MAP2K5: variants seen among roughly 807,000 people sequenced by gnomAD.
MAP2K5 encodes the protein mitogen-activated protein kinase kinase 5.
A neutral mutation model predicts 83.1 loss-of-function variants in MAP2K5; 49 were observed. That is an observed-to-expected ratio of 0.59 (90% CI 0.47 to 0.75). The LOEUF (loss-of-function observed/expected upper bound fraction) is 0.75, where lower values mean the gene tolerates loss of function less well. Among genes scored for constraint, MAP2K5 ranks in the 30% least tolerant of loss-of-function variants. The pLI, the probability that MAP2K5 is intolerant of heterozygous loss-of-function variation, is 0.00. For synonymous variants in MAP2K5, 202 were observed against 191.8 expected (o/e 1.05, Z -0.44); for missense variants, 457 against 557.5 (o/e 0.82, Z 1.82).
At position 67,565,744 on chromosome 15, in the gene MAP2K5, A is replaced by C. The variant is rs1175163009; in HGVS notation, c.252+2394A>C. On this transcript the variant is annotated intron_variant, in intron 3 of 21. Transcript: ENST00000178640. This position sits in a 1 kb window ranked among gnomAD's most constrained non-coding sequence, Gnocchi z 4.1. ...CTTGGGTCCACTTTTTTTTATCTGA[A>C]TAGAAGTCATCTATCTCATTGATGA... 6.6e-6 allele frequency among the ~76,000 whole-genome samples: 1 copy of C among 152,130 alleles called. No individual in the cohort carries two copies. The highest frequency in any genetic ancestry group is 2.4e-5 in the African/African-American group (1 of 41,418).
At chr15:67,622,022 A>G (rs952635640) in intron 8 of MAP2K5, among the ~76,000 whole-genome samples, 3 of 152,050 alleles carry the variant, frequency 2.0e-5, no homozygotes, top group Non-Finnish European at 4.4e-5. Flanking sequence ...CGCCTCTACT[A>G]AAAATACAAA....
Position 67,658,220 on chromosome 15 carries a change from T to G in MAP2K5, c.737-333T>G, listed in dbSNP as rs528282729. Reference sequence around the variant, plus strand: ...AAAGCTGTTACAAAAGACAGGCAACTAAATGTTTAATAGTCATATTGATCT... The same window carrying G: ...AAAGCTGTTACAAAAGACAGGCAACGAAATGTTTAATAGTCATATTGATCT... On this transcript the variant is annotated intron_variant, in intron 11 of 21. Transcript: ENST00000178640. Among the ~76,000 whole-genome samples, 8 of 152,246 alleles carry G rather than the reference T, an allele frequency of 5.3e-5. No individual in the cohort carries two copies. In the East Asian group the frequency reaches 1.5e-3, roughly 29 times the overall value.
intron 11 of MAP2K5, among the ~76,000 whole-genome samples, chr15:67,654,728 A>G (rs2087029257): frequency 6.6e-6 from 1 of 152,190 alleles, no homozygotes; most frequent in African/African-American, 2.4e-5. Flanking sequence ...TTCTTAACTT[A>G]TAACAATTTA....
Position 67,555,166 on chromosome 15 carries a change from G to A in MAP2K5, c.184+5084G>A, listed in dbSNP as rs2084599441. Among the ~76,000 whole-genome samples the A allele has an allele frequency of 6.6e-6, 1 of 152,168 alleles. No homozygotes were observed. The highest frequency in any genetic ancestry group is 2.4e-5 in the African/African-American group (1 of 41,442). On this transcript the variant is annotated intron_variant, in intron 2 of 21. Coordinates refer to ENST00000178640, the MANE Select transcript of MAP2K5 (RefSeq NM_145160.3). This position sits in a 1 kb window ranked among gnomAD's most constrained non-coding sequence, Gnocchi z 5.2. The stretch of plus-strand genomic sequence containing the variant: ...GTCCTTATTCTCCATTACATCTAGA[G>A]CTCACAGTTCTACAGGCTGTACAAG...
At position 67,738,785 on chromosome 15, in the gene MAP2K5, G is replaced by A. The variant is rs975021546; in HGVS notation, c.1075-9446G>A. On this transcript the variant is annotated intron_variant, in intron 17 of 21. Transcript: ENST00000178640. The surrounding 1 kb of genome is among the most constrained non-coding windows in gnomAD (Gnocchi z 4.1). ...ACCTTATTTGAACTAGAGTTATTTC[G>A]TAAACAGAGTCTGAAAAATGCTGGA... 2.6e-5 allele frequency among the ~76,000 whole-genome samples: 4 copies of A among 152,098 alleles called. No individual in the cohort carries two copies. The highest frequency in any genetic ancestry group is 2.1e-4 in the South Asian group (1 of 4,828).
chr15:67,576,741 A>G (rs1022960104), intron 3 of MAP2K5, among the ~76,000 whole-genome samples: 1 of 147,500 alleles, frequency 6.8e-6, no homozygotes, highest in African/African-American at 2.5e-5. Flanking sequence ...CATACTCTAT[A>G]TAATTATTTC....
Position 67,592,978 on chromosome 15 carries a change from G to C in MAP2K5, c.480+4G>C. ...AAAAATACTAGCCAATGGCCAGGTAGGTATTATTATATATTAAGATTTTCA... is the reference window on the plus strand; with the variant it reads ...AAAAATACTAGCCAATGGCCAGGTACGTATTATTATATATTAAGATTTTCA... On this transcript the variant is annotated splice_donor_region_variant and intron_variant, in intron 7 of 21. Transcript: ENST00000178640. 6.3e-7 allele frequency: 1 copy of C among 1,581,594 alleles called. No homozygotes were observed. The highest frequency in any genetic ancestry group is 8.7e-7 in the Non-Finnish European group (1 of 1,154,292).
chr15:67,695,431 A>G (rs2088228491), intron 15 of MAP2K5, among the ~76,000 whole-genome samples: 1 of 152,172 alleles, frequency 6.6e-6, no homozygotes. Flanking sequence ...TTTCTTGTAT[A>G]ATAATAGGAA....
chr15:67,666,684 C>A (rs1334536532), intron 13 of MAP2K5, among the ~76,000 whole-genome samples: 6 of 152,126 alleles, frequency 3.9e-5, no homozygotes, highest in Non-Finnish European at 8.8e-5. Flanking sequence ...AAGAGGGAAT[C>A]CTGGGCCTGT....
In MAP2K5 at chr15:67,758,865, C is replaced by A. The variant is rs1478137732; in HGVS notation, c.1134+10264C>A. Among the ~76,000 whole-genome samples the A allele has an allele frequency of 1.3e-5, 2 of 152,150 alleles. No homozygotes were observed. The highest frequency in any genetic ancestry group is 2.9e-5 in the Non-Finnish European group (2 of 68,032). On this transcript the variant is annotated intron_variant, in intron 19 of 21. Coordinates refer to ENST00000178640, the MANE Select transcript of MAP2K5 (RefSeq NM_145160.3). This position sits in a 1 kb window ranked among gnomAD's most constrained non-coding sequence, Gnocchi z 4.7. ...CTGATTTGAAGAAAGTACAAAGTGACCACTGAACATTTTGGCATCAAAGGA... is the reference window on the plus strand; with the variant it reads ...CTGATTTGAAGAAAGTACAAAGTGAACACTGAACATTTTGGCATCAAAGGA...
intron 13 of MAP2K5, among the ~76,000 whole-genome samples, chr15:67,670,141 A>C (rs950948985): frequency 6.6e-6 from 1 of 152,160 alleles, no homozygotes; most frequent in Non-Finnish European, 1.5e-5. Context: ...ATGTAACAAC[A>C]TGGGTGAATA....
At chr15:67,615,128 C>T (rs1466206217) in intron 8 of MAP2K5, among the ~76,000 whole-genome samples, 1 of 151,828 alleles carries the variant, frequency 6.6e-6, no homozygotes, top group Non-Finnish European at 1.5e-5. Flanking sequence ...CTCCTGAGTA[C>T]CTGGGATTAC....
At chr15:67,767,670 T>C (rs1037645827) in intron 19 of MAP2K5, among the ~76,000 whole-genome samples, 5 of 152,322 alleles carry the variant, frequency 3.3e-5, no homozygotes, top group African/African-American at 1.2e-4. Context: ...CAGCTGAAAT[T>C]GATATCATGT....
intron 9 of MAP2K5, among the ~76,000 whole-genome samples, chr15:67,632,962 A>G (rs1371334353): frequency 6.6e-6 from 1 of 152,194 alleles, no homozygotes; most frequent in Non-Finnish European, 1.5e-5. Context: ...TTCCTTTGAG[A>G]TATTTTCTTT....
At chr15:67,787,702 T>G (rs1387259508) in intron 21 of MAP2K5, among the ~76,000 whole-genome samples, 2 of 152,244 alleles carry the variant, frequency 1.3e-5, no homozygotes, top group Non-Finnish European at 2.9e-5. Context: ...AAGTTTTATT[T>G]TAATATTGTA....
At chr15:67,617,081 A>G (rs1262607454) in intron 8 of MAP2K5, among the ~76,000 whole-genome samples, 4 of 152,192 alleles carry the variant, frequency 2.6e-5, no homozygotes, top group Non-Finnish European at 5.9e-5. Context: ...AAGTCATTAT[A>G]CATGCAATTA....
chr15:67,787,266 A>C lies in MAP2K5; in HGVS notation c.1242+14514A>C, dbSNP rs1049837558. On this transcript the variant is annotated intron_variant, in intron 21 of 21. Coordinates refer to ENST00000178640, the MANE Select transcript of MAP2K5 (RefSeq NM_145160.3). Reference sequence around the variant, plus strand: ...AATTTTGCGAAGGTCTCTAGCCAAAAGGATGGGAAACCGAGTTCAGCGCTT... The same window carrying C: ...AATTTTGCGAAGGTCTCTAGCCAAACGGATGGGAAACCGAGTTCAGCGCTT... Among the ~76,000 whole-genome samples, 6 of 152,372 alleles carry C rather than the reference A, an allele frequency of 3.9e-5. No homozygotes were observed. In the South Asian group the frequency reaches 1.2e-3, roughly 32 times the overall value.
intron 12 of MAP2K5, among the ~76,000 whole-genome samples, chr15:67,660,521 A>G (rs1002726913): frequency 3.3e-5 from 5 of 152,176 alleles, no homozygotes; most frequent in Admixed American, 6.6e-5. Flanking sequence ...GATGGCATCA[A>G]CATCTTTCCC....
intron 13 of MAP2K5, among the ~76,000 whole-genome samples, chr15:67,666,370 A>G (rs1157837172): frequency 1.3e-5 from 2 of 152,210 alleles, no homozygotes; most frequent in East Asian, 1.9e-4. Context: ...TCCTGTATCT[A>G]AATTTTTTTA....
Sources: allele counts gnomAD v4.1 joint callset (sites outside exome capture counted in the v4.1 genomes callset), GRCh38; gene constraint gnomAD v4.1.1; non-coding constraint Gnocchi (gnomAD v3.1); transcripts MANE v1.5; gene names NCBI Gene and HGNC (gene_info 2026-07-23, HGNC 2026-07-21).